BAHCC1: variants seen among roughly 807,000 people sequenced by gnomAD.
The protein encoded by BAHCC1 is BAH domain and coiled-coil containing 1, also known as BAH and coiled-coil domain-containing protein 1.
Under a neutral mutation model 88.2 loss-of-function variants are expected in BAHCC1, and 43 were observed. The ratio of observed to expected loss-of-function variants is 0.49; its 90% confidence interval spans 0.38 to 0.63. The LOEUF is 0.63. BAHCC1 is among the 20% of genes least tolerant of loss of function. The pLI, the probability that BAHCC1 is intolerant of heterozygous loss-of-function variation, is 0.00. For missense variants in BAHCC1, 3,023 were observed against 1,654.8 expected (o/e 1.83, Z -14.34); for synonymous variants, 1,510 against 745.5 (o/e 2.03, Z -16.71).
rs2064562167 is a variant in BAHCC1, at chr17:81,447,811, G to A, written c.3939G>A (p.Leu1313=). The A allele has an allele frequency of 1.3e-6, 1 of 750,620 alleles. No individual in the cohort carries two copies. The highest frequency in any genetic ancestry group is 2.5e-6 in the Non-Finnish European group (1 of 403,498). 46.5% of individuals were successfully genotyped at this position (750,620 alleles called of 1,614,324 possible). The change falls in exon 11 of 28, where the codon CTG becomes CTA. Residue 1313 remains leucine, a synonymous_variant. Coordinates refer to ENST00000675386, the MANE Select transcript of BAHCC1 (RefSeq NM_001377448.1). ...GIALLSELAD[L]AIQRQRSERT... ...CTCTGCTCAGCGAGCTGGCTGACCT[G>A]GCAATCCAGCGGCAGAGGAGTGAGA...
In BAHCC1 at chr17:81,464,423, C is replaced by T. The variant is rs2030560236; in HGVS notation, c.*606C>T. Reference sequence around the variant, plus strand: ...GGCATCTCGGGGCAGGGGGCAGAGGCCACGGGAGGGTCAGGTGGGACCCTT... The same window carrying T: ...GGCATCTCGGGGCAGGGGGCAGAGGTCACGGGAGGGTCAGGTGGGACCCTT... On this transcript the variant is annotated 3_prime_UTR_variant, in exon 28 of 28. Transcript: ENST00000675386. 6.2e-6 allele frequency: 1 copy of T among 160,160 alleles called. No homozygotes were observed. The highest frequency in any genetic ancestry group is 2.4e-5 in the African/African-American group (1 of 41,470). The allele number at this position is 160,160 out of a possible 1,614,324, so 9.9% of individuals were successfully genotyped here.
intron 8 of BAHCC1, 70 bp downstream of exon 8, chr17:81,444,896 C>T (rs1417959599): frequency 4.2e-6 from 3 of 712,070 alleles, no homozygotes; most frequent in African/African-American, 3.5e-5. Flanking sequence ...CGGGGGTGTG[C>T]TGGCCAGGGC....
chr17:81,429,394 G>T (rs2064235457), intron 3 of BAHCC1, among the ~76,000 whole-genome samples: 2 of 152,356 alleles, frequency 1.3e-5, no homozygotes, highest in East Asian at 3.9e-4. Flanking sequence ...CCTCCCTGCG[G>T]GGGTTCCCTG....
At chr17:81,430,372 T>C (rs1163152736) in intron 3 of BAHCC1, among the ~76,000 whole-genome samples, 2 of 152,004 alleles carry the variant, frequency 1.3e-5, no homozygotes, top group African/African-American at 4.8e-5. Context: ...GGGGGAGCCA[T>C]GGGGGCGGCA....
rs782321617 is a variant in BAHCC1, at chr17:81,435,069, C to T, written c.359-3301C>T. ...CATTTCTCTGCACGGTGCCCTCCCACTCCTCTGTCCTTCAGCCCTGCCCCA... is the reference window on the plus strand; with the variant it reads ...CATTTCTCTGCACGGTGCCCTCCCATTCCTCTGTCCTTCAGCCCTGCCCCA... On this transcript the variant is annotated intron_variant, in intron 3 of 27. Transcript: ENST00000675386. This position sits in a 1 kb window ranked among gnomAD's most constrained non-coding sequence, Gnocchi z 4.4. Among the ~76,000 whole-genome samples, 15 of 152,152 alleles carry T rather than the reference C, an allele frequency of 9.9e-5. No homozygotes were observed. The highest frequency in any genetic ancestry group is 6.8e-3 in the Middle Eastern group (2 of 294).
chr17:81,439,975 A>C (rs1279297290), intron 4 of BAHCC1, among the ~76,000 whole-genome samples: 1 of 151,738 alleles, frequency 6.6e-6, no homozygotes, highest in Non-Finnish European at 1.5e-5. Context: ...GGAGCCCGAG[A>C]TTTGCTAAGG....
Position 81,441,957 on chromosome 17 carries a change from G to C in BAHCC1, c.608G>C (p.Gly203Ala). The part of the protein sequence containing the change: ...MGSCSRDRDR[G>A]EAGSLQKGPK... Reference sequence around the variant, plus strand: ...TCCTGCAGCCGGGATCGAGACCGGGGTGAGGCAGGCTCCCTGCAGAAGGGC... The same window carrying C: ...TCCTGCAGCCGGGATCGAGACCGGGCTGAGGCAGGCTCCCTGCAGAAGGGC... The change falls in exon 5 of 28, where the codon GGT (glycine) becomes GCT (alanine). Residue 203 changes from glycine (G) to alanine (A), a missense_variant. By Grantham distance (60) the Gly-to-Ala change is moderately conservative. Transcript: ENST00000675386. The C allele has an allele frequency of 1.3e-6, 1 of 749,286 alleles. No homozygotes were observed. The highest frequency in any genetic ancestry group is 2.5e-6 in the Non-Finnish European group (1 of 397,262). 46.4% of individuals were successfully genotyped at this position (749,286 alleles called of 1,614,324 possible).
intron 2 of BAHCC1, among the ~76,000 whole-genome samples, chr17:81,406,407 G>A (rs1274166045): frequency 6.6e-6 from 1 of 152,138 alleles, no homozygotes; most frequent in East Asian, 1.9e-4. Flanking sequence ...GCTTCCCTGG[G>A]GTTCCCCGGT....
In BAHCC1 at chr17:81,443,623, C is replaced by T. The variant is rs113739722; in HGVS notation, c.2215+59C>T. On this transcript the variant is annotated intron_variant, in intron 5 of 27. Coordinates refer to ENST00000675386, the MANE Select transcript of BAHCC1 (RefSeq NM_001377448.1). ...GGACAGTCTAGGGGGCCCAGCTGGC[C>T]CTGCCCTGCGCCCCGGCTCCCCAGC... 1.1e-5 allele frequency: 7 copies of T among 621,782 alleles called. No individual in the cohort carries two copies. In the South Asian group the frequency reaches 1.3e-4, roughly 11 times the overall value. 38.5% of individuals were successfully genotyped at this position (621,782 alleles called of 1,614,324 possible).
At position 81,447,749 on chromosome 17, in the gene BAHCC1, G is replaced by T; in HGVS notation, c.3877G>T (p.Val1293Phe). 1 of 738,626 alleles carries T rather than the reference G, an allele frequency of 1.4e-6. No homozygotes were observed. The highest frequency in any genetic ancestry group is 1.7e-5 in the African/African-American group (1 of 58,202). 45.8% of individuals were successfully genotyped at this position (738,626 alleles called of 1,614,324 possible). ...PPAASGPPST[V>F]PLPHSSGIHG... ...AGCGGCCTCTGGGCCCCCCAGCACA[G>T]TCCCCCTGCCTCATAGCTCAGGGAT... Residue 1293 changes from valine to phenylalanine, a missense_variant, in exon 11 of 28, where the codon GTC becomes TTC. By Grantham distance (50) the Val-to-Phe change is conservative (BLOSUM62 -1). Transcript: ENST00000675386.
At position 81,418,796 on chromosome 17, in the gene BAHCC1, C is replaced by CGCGCGCAT. The variant is rs1555649116; in HGVS notation, c.179-8003_179-8002insCGCGCATG. Among the ~76,000 whole-genome samples the CGCGCGCAT allele has an allele frequency of 8.2e-4, 119 of 144,916 alleles. No individual in the cohort carries two copies. In the Middle Eastern group the frequency reaches 0.018, roughly 22 times the overall value. ...GTGTACGTGTGTGTGTACGTGTGTG[C>CGCGCGCAT]GTGTGTGTGTGTACGTGTGTGTGTG... is the stretch of plus-strand genomic sequence containing the variant. On this transcript the variant is annotated intron_variant, in intron 2 of 27. Coordinates refer to ENST00000675386, the MANE Select transcript of BAHCC1 (RefSeq NM_001377448.1).
chr17:81,424,398 C>T (rs1251849183), intron 2 of BAHCC1, among the ~76,000 whole-genome samples: 1 of 152,224 alleles, frequency 6.6e-6, no homozygotes, highest in Non-Finnish European at 1.5e-5. Flanking sequence ...CAGCTGTGGG[C>T]TGGGAGAGTC....
chr17:81,414,508 C>T (rs1329556619), intron 2 of BAHCC1, among the ~76,000 whole-genome samples: 2 of 152,226 alleles, frequency 1.3e-5, no homozygotes, highest in African/African-American at 4.8e-5. Flanking sequence ...CCTCGGCCAG[C>T]CCCATCTACC....
intron 3 of BAHCC1, among the ~76,000 whole-genome samples, chr17:81,436,611 C>T (rs1340601382): frequency 6.6e-6 from 1 of 152,058 alleles, no homozygotes; most frequent in Admixed American, 6.5e-5. Flanking sequence ...AGGTCGCTCC[C>T]ACCCCGTCCC....
chr17:81,427,507 G>C (rs978731896), intron 3 of BAHCC1, among the ~76,000 whole-genome samples: 1 of 152,124 alleles, frequency 6.6e-6, no homozygotes, highest in South Asian at 2.1e-4. Context: ...TAGGTGCCTC[G>C]CGAATACTGG....
chr17:81,460,369 C>A lies in BAHCC1; in HGVS notation c.5998C>A (p.Leu2000Met). Residue 2000 changes from leucine (L) to methionine (M), a missense_variant, in exon 24 of 28, where the codon CTG (leucine) becomes ATG (methionine). Physicochemically the swap from Leu to Met is conservative, Grantham distance 15. Coordinates refer to ENST00000675386, the MANE Select transcript of BAHCC1 (RefSeq NM_001377448.1). The part of the protein sequence containing the change: ...TGHIAVSNVR[L>M]LPPDFKIQCT... ...CCACATCGCCGTCTCCAACGTCAGG[C>A]TGCTGCCCCCTGACTTCAAGATCCA... The A allele has an allele frequency of 1.3e-6, 1 of 770,068 alleles. No individual in the cohort carries two copies. Among genetic ancestry groups the A allele is most frequent in the South Asian group, 1.4e-5 (1 of 72,526 alleles). The allele number at this position is 770,068 out of a possible 1,614,324, so 47.7% of individuals were successfully genotyped here. A position where few individuals can be genotyped will look rare whatever the true frequency, so the allele number is the denominator to read the frequency against.
In BAHCC1 at chr17:81,443,548, C is replaced by T. The variant is rs1368628860; in HGVS notation, c.2199C>T (p.Ala733=). ...CCAACACTGCGCGGCAGGGCCGGGC[C>T]GCCCCCGCCTTCAAAGGTACAGGCC... The part of the protein sequence containing the change: ...YGTNTARQGR[A]APAFKGGGGP... Residue 733 remains alanine, a synonymous_variant, in exon 5 of 28, where the codon GCC becomes GCT. Transcript: ENST00000675386. The T allele has an allele frequency of 6.2e-6, 4 of 644,984 alleles. No homozygotes were observed. Among genetic ancestry groups the T allele is most frequent in the Middle Eastern group, 3.4e-4 (1 of 2,968 alleles). The allele number at this position is 644,984 out of a possible 1,614,324, so 40.0% of individuals were successfully genotyped here. A position where few individuals can be genotyped will look rare whatever the true frequency, so the allele number is the denominator to read the frequency against.
rs368437493 is a variant in BAHCC1 at position 81,445,098 on chromosome 17, C to T, written c.2755C>T (p.Leu919Phe). The T allele has an allele frequency of 6.5e-6, 5 of 772,192 alleles. No homozygotes were observed. Among genetic ancestry groups the T allele is most frequent in the Non-Finnish European group, 9.6e-6 (4 of 415,202 alleles). The allele number at this position is 772,192 out of a possible 1,614,324, so 47.8% of individuals were successfully genotyped here. ...PASHMQHPGQLPVYSRPQLLR... is the reference protein window; with the variant it reads ...PASHMQHPGQFPVYSRPQLLR... ...CTCTCACATGCAGCACCCGGGCCAG[C>T]TCCCTGTGTACTCGAGGCCGCAGCT... The change falls in exon 9 of 28, where the codon CTC becomes TTC. Residue 919 changes from leucine (L) to phenylalanine (F), a missense_variant. Physicochemically the swap from Leu to Phe is conservative, Grantham distance 22. Coordinates refer to ENST00000675386, the MANE Select transcript of BAHCC1 (RefSeq NM_001377448.1).
rs1555652724 is a variant in BAHCC1 at position 81,442,267 on chromosome 17, G to A, written c.918G>A (p.Met306Ile). The A allele has an allele frequency of 3.2e-6, 2 of 626,450 alleles. No individual in the cohort carries two copies. 38.8% of individuals were successfully genotyped at this position (626,450 alleles called of 1,614,324 possible). ...CGCTAGCCAGCTGTGCAGGGGGCATGCTGGGGCGGCCTGGCACGGGGGTGG... is the reference window on the plus strand; with the variant it reads ...CGCTAGCCAGCTGTGCAGGGGGCATACTGGGGCGGCCTGGCACGGGGGTGG... ...RAALASCAGGMLGRPGTGVVT... is the reference protein window; with the variant it reads ...RAALASCAGGILGRPGTGVVT... The change falls in exon 5 of 28, where the codon ATG (methionine) becomes ATA (isoleucine). Residue 306 changes from methionine to isoleucine, a missense_variant. Physicochemically the swap from Met to Ile is conservative, Grantham distance 10 (BLOSUM62 1). Coordinates refer to ENST00000675386, the MANE Select transcript of BAHCC1 (RefSeq NM_001377448.1).
Sources: gnomAD v4.1 joint callset for allele counts (sites outside exome capture counted in the v4.1 genomes callset) on GRCh38, gnomAD v4.1.1 for gene constraint, Gnocchi (gnomAD v3.1) non-coding constraint, MANE v1.5 for transcripts, NCBI Gene and HGNC (gene_info 2026-07-23, HGNC 2026-07-21) for gene names.